Variants in GLIPR1L2 observed in about 807,000 individuals in gnomAD.
GLIPR1L2 encodes the protein GLIPR1 like 2, also known as GLIPR1-like protein 2.
Under a neutral mutation model 28.4 loss-of-function variants are expected in GLIPR1L2, and 21 were observed. The ratio of observed to expected loss-of-function variants is 0.74; its 90% CI spans 0.52 to 1.06. The LOEUF (loss-of-function observed/expected upper bound fraction) is 1.06, where lower values mean the gene tolerates loss of function less well. GLIPR1L2 is among the 50% of genes least tolerant of loss of function. The pLI is 0.00. For missense variants in GLIPR1L2, 476 were observed against 416.9 expected, an observed-to-expected ratio of 1.14 and a Z score of -1.23; for synonymous variants, 145 against 139.3, an observed-to-expected ratio of 1.04 and a Z score of -0.29.
rs928521194 is a variant in GLIPR1L2, at chr12:75,430,746, G to A, written c.697+5G>A. 3.6e-5 allele frequency: 55 copies of A among 1,534,742 alleles called. No individual in the cohort carries two copies. Among genetic ancestry groups the A allele is most frequent in the Middle Eastern group, 1.7e-4 (1 of 6,006 alleles). ...CAGATCGTGACCAAGCCACATGTAT[G>A]TATTGTTGTCCTTTATTTCTTGAAC... On this transcript the variant is annotated splice_donor_5th_base_variant and intron_variant, in intron 5 of 5. Coordinates refer to ENST00000550916, the MANE Select transcript of GLIPR1L2 (RefSeq NM_001270396.2).
intron 1 of GLIPR1L2, among the ~76,000 whole-genome samples, chr12:75,394,548 T>A (rs2045662350): frequency 2.0e-5 from 3 of 152,018 alleles, no homozygotes; most frequent in Admixed American, 2.0e-4. Flanking sequence ...TGACCATATA[T>A]GCTGGCATTT....
At chr12:75,401,161 G>A (rs1278931668) in intron 1 of GLIPR1L2, among the ~76,000 whole-genome samples, 2 of 151,450 alleles carry the variant, frequency 1.3e-5, no homozygotes, top group African/African-American at 2.4e-5. Context: ...TTAAAAAACT[G>A]TAAACATAAA....
chr12:75,430,171 C>T (rs1470245078), intron 4 of GLIPR1L2, among the ~76,000 whole-genome samples: 1 of 151,972 alleles, frequency 6.6e-6, no homozygotes, highest in South Asian at 2.1e-4. Flanking sequence ...CCCAAATGAG[C>T]AGAAGAAAGG....
intron 1 of GLIPR1L2, chr12:75,402,991 G>T (rs369011452): frequency 5.9e-5 from 27 of 456,846 alleles, no homozygotes; most frequent in African/African-American, 4.6e-4. Flanking sequence ...GTTAACAAGT[G>T]TCATGAACAA....
chr12:75,397,918 T>C (rs1269831815), intron 1 of GLIPR1L2, among the ~76,000 whole-genome samples: 1 of 152,106 alleles, frequency 6.6e-6, no homozygotes, highest in Non-Finnish European at 1.5e-5. Flanking sequence ...TAATCTGATA[T>C]TTCCTCTCCT....
At chr12:75,423,199 T>TC (rs1343646823) in intron 4 of GLIPR1L2, 1 of 1,405,252 alleles carries the variant, frequency 7.1e-7, no homozygotes, top group African/African-American at 1.5e-5. Flanking sequence ...CCCTATTCCT[T>TC]CCCCTGAGGA....
At chr12:75,396,629 G>A (rs1226093291) in intron 1 of GLIPR1L2, among the ~76,000 whole-genome samples, 1 of 152,106 alleles carries the variant, frequency 6.6e-6, no homozygotes, top group Admixed American at 6.5e-5. Context: ...TTTGTTAGCT[G>A]AACTCAGAGG....
At chr12:75,413,282 A>C (rs1462249832) in intron 2 of GLIPR1L2, among the ~76,000 whole-genome samples, 1 of 151,848 alleles carries the variant, frequency 6.6e-6, no homozygotes, top group Non-Finnish European at 1.5e-5. Context: ...CCAACATGGC[A>C]CATGTATACA....
intron 1 of GLIPR1L2, among the ~76,000 whole-genome samples, chr12:75,400,813 A>G (rs1030707064): frequency 6.6e-6 from 1 of 152,194 alleles, no homozygotes; most frequent in Non-Finnish European, 1.5e-5. Flanking sequence ...CCTCAGTAAA[A>G]TACAGTATTT....
intron 1 of GLIPR1L2, among the ~76,000 whole-genome samples, chr12:75,396,008 T>A (rs965943472): frequency 6.6e-6 from 1 of 152,196 alleles, no homozygotes; most frequent in African/African-American, 2.4e-5. Context: ...ATGTAAGCTC[T>A]TACACTCATA....
chr12:75,403,121 C>A, intron 1 of GLIPR1L2: 1 of 456,916 alleles, frequency 2.2e-6, no homozygotes, highest in South Asian at 1.5e-5. Context: ...GTCTTCACTC[C>A]TGAATGATTG....
Position 75,391,307 on chromosome 12 carries a change from T to G in GLIPR1L2, c.191T>G (p.Leu64Arg). ...INEYVNLHNE[L>R]RGDVIPRGSN... is the part of the protein sequence containing the mutation. The stretch of plus-strand genomic sequence containing the variant: ...GAGTACGTGAACCTCCACAATGAGC[T>G]GCGGGGCGACGTCATTCCCCGAGGG... The change falls in exon 1 of 6, where the codon CTG (leucine) becomes CGG (arginine). Residue 64 changes from leucine to arginine, a missense_variant. By Grantham distance (102) the Leu-to-Arg change is moderately radical. Transcript: ENST00000550916. The G allele has an allele frequency of 6.2e-7, 1 of 1,614,214 alleles. No individual in the cohort carries two copies. Among genetic ancestry groups the G allele is most frequent in the Non-Finnish European group, 8.5e-7 (1 of 1,180,018 alleles).
At position 75,410,482 on chromosome 12, in the gene GLIPR1L2, T is replaced by A; in HGVS notation, c.283T>A (p.Cys95Ser). The A allele has an allele frequency of 6.2e-7, 1 of 1,608,504 alleles. No individual in the cohort carries two copies. ...GACTGCTAGAGCATGGGGAAAAAAA[T>A]GTTTGTTTACGCATAATATTTATTT... is the stretch of plus-strand genomic sequence containing the variant. The part of the protein sequence containing the change: ...SRTARAWGKK[C>S]LFTHNIYLQD... Residue 95 changes from cysteine (C) to serine (S), a missense_variant, in exon 2 of 6, where the codon TGT becomes AGT. Physicochemically the swap from Cys to Ser is moderately radical, Grantham distance 112. Transcript: ENST00000550916.
At position 75,398,648 on chromosome 12, in the gene GLIPR1L2, C is replaced by G. The variant is rs539617659; in HGVS notation, c.234+7298C>G. 5.9e-5 allele frequency among the ~76,000 whole-genome samples: 9 copies of G among 152,224 alleles called. No individual in the cohort carries two copies. In the South Asian group the frequency reaches 1.9e-3, roughly 32 times the overall value. On this transcript the variant is annotated intron_variant, in intron 1 of 5. Transcript: ENST00000550916. ...GAGAAGGCTCAAGACTTAGACTCCT[C>G]TCATGTACCAGATAATGGGCTGTAG...
chr12:75,430,637 A>G (rs561749961), intron 4 of GLIPR1L2, 78 bp from the exon 5 acceptor site: 556 of 1,311,820 alleles, frequency 4.2e-4, no homozygotes, highest in Non-Finnish European at 5.5e-4. Flanking sequence ...AAGTGACACT[A>G]TTATTGGGAG....
At chr12:75,398,328 CAAAAAAAAA>C (rs71078729) in intron 1 of GLIPR1L2, among the ~76,000 whole-genome samples, 1 of 87,912 alleles carries the variant, frequency 1.1e-5, no homozygotes, top group East Asian at 3.1e-4. Flanking sequence ...GACTCCATCT[CAAAAAAAAA>C]AAAAAAAAAA....
At chr12:75,409,394 G>C (rs1016823859) in intron 1 of GLIPR1L2, among the ~76,000 whole-genome samples, 2 of 151,588 alleles carry the variant, frequency 1.3e-5, no homozygotes, top group Non-Finnish European at 2.9e-5. Context: ...AATTTAATGA[G>C]TCTCTAAATG....
In GLIPR1L2 at chr12:75,409,565, G is replaced by GTATATA. The variant is rs4019358; in HGVS notation, c.235-860_235-855dup. ...TAAAAGATTTTTTTTGGGTGTGTGT[G>GTATATA]TATATATATATATACACACACACAT... On this transcript the variant is annotated intron_variant, in intron 1 of 5. Coordinates refer to ENST00000550916, the MANE Select transcript of GLIPR1L2 (RefSeq NM_001270396.2). Among the ~76,000 whole-genome samples the GTATATA allele has an allele frequency of 2.8e-3, 407 of 143,432 alleles. 5 individuals are homozygous for GTATATA. The highest frequency in any genetic ancestry group is 3.3e-3 in the Admixed American group (47 of 14,140). 94.1% of individuals were successfully genotyped at this position (143,432 alleles called of 152,430 possible).
Position 75,398,328 on chromosome 12 carries a change from C to CAAAAAAA in GLIPR1L2, c.234+6995_234+7001dup, listed in dbSNP as rs71078729. Among the ~76,000 whole-genome samples, 700 of 87,802 alleles carry CAAAAAAA rather than the reference C, an allele frequency of 8.0e-3. 31 individuals are homozygous for CAAAAAAA. Among genetic ancestry groups the CAAAAAAA allele is most frequent in the African/African-American group, 0.026 (533 of 20,752 alleles). 57.6% of individuals were successfully genotyped at this position (87,802 alleles called of 152,430 possible). A position where few individuals can be genotyped will look rare whatever the true frequency, so the allele number is the denominator to read the frequency against. ...TGGGCGATAGAATGAGACTCCATCT[C>CAAAAAAA]AAAAAAAAAAAAAAAAAAAAAAACT... On this transcript the variant is annotated intron_variant, in intron 1 of 5. Transcript: ENST00000550916.
Sources: allele counts gnomAD v4.1 joint callset (sites outside exome capture counted in the v4.1 genomes callset), GRCh38; gene constraint gnomAD v4.1.1; transcripts MANE v1.5; gene names NCBI Gene and HGNC (gene_info 2026-07-23, HGNC 2026-07-21).